The following ANXA2 variants were observed in gnomAD, a reference collection of about 807,000 sequenced individuals.
ANXA2 encodes the protein annexin II.
Under a neutral mutation model 47.3 loss-of-function variants are expected in ANXA2, and 28 were observed. The observed-to-expected ratio is 0.59, with a 90% CI of 0.44 to 0.81. ANXA2 has a LOEUF of 0.81. Among genes scored for constraint, ANXA2 ranks in the 40% least tolerant of loss-of-function variants. ANXA2 has a pLI of 0.00. For synonymous variants in ANXA2, 172 were observed against 155.5 expected (o/e 1.11, Z -0.79); for missense variants, 384 against 414.3 (o/e 0.93, Z 0.64).
At chr15:60,366,444 A>G (rs1377660657) in intron 3 of ANXA2, among the ~76,000 whole-genome samples, 1 of 137,950 alleles carries the variant, frequency 7.2e-6, no homozygotes, top group Non-Finnish European at 1.5e-5. Flanking sequence ...TGTGGGGAGC[A>G]CCTCTGCCCC....
At chr15:60,381,945 CA>C (rs1386120162) in intron 3 of ANXA2, among the ~76,000 whole-genome samples, 17 of 147,924 alleles carry the variant, frequency 1.1e-4, no homozygotes, top group Non-Finnish European at 1.5e-4. Flanking sequence ...TCCTTTTAAC[CA>C]TTACTTGGTT....
At chr15:60,384,118 C>T (rs2062901454) in intron 2 of ANXA2, 1 of 152,232 alleles carries the variant, frequency 6.6e-6, no homozygotes, top group Non-Finnish European at 1.5e-5. Flanking sequence ...ATGGAGCACA[C>T]ATTCAGGAAA....
intron 3 of ANXA2, among the ~76,000 whole-genome samples, chr15:60,375,899 T>C (rs2062769654): frequency 6.6e-6 from 1 of 152,218 alleles, no homozygotes; most frequent in African/African-American, 2.4e-5. Flanking sequence ...TTGTTGATGC[T>C]GTGCACTGGC....
intron 4 of ANXA2, chr15:60,363,165 T>A (rs2062543832): frequency 6.6e-6 from 1 of 152,070 alleles, no homozygotes; most frequent in South Asian, 2.1e-4. Context: ...AGATGAGCCT[T>A]CTGCTCCACT....
chr15:60,392,942 T>TTA (rs1566951991), intron 1 of ANXA2: 1 of 926,676 alleles, frequency 1.1e-6, no homozygotes, highest in Non-Finnish European at 1.4e-6. Context: ...AATTTTAAAC[T>TTA]AAAAAAAAAA....
At chr15:60,380,761 G>A (rs1281407625) in intron 3 of ANXA2, among the ~76,000 whole-genome samples, 2 of 126,112 alleles carry the variant, frequency 1.6e-5, no homozygotes, top group Non-Finnish European at 3.1e-5. Context: ...CTGAGATGAT[G>A]CCCTTGCACT....
At chr15:60,387,955 C>T (rs952319251) in intron 1 of ANXA2, among the ~76,000 whole-genome samples, 8 of 151,942 alleles carry the variant, frequency 5.3e-5, no homozygotes, top group Admixed American at 4.6e-4. Context: ...TGTGGGAGGC[C>T]GAGGCAGGCA....
At chr15:60,349,852 GT>G (rs1895914559) in intron 11 of ANXA2, among the ~76,000 whole-genome samples, 6 of 130,756 alleles carry the variant, frequency 4.6e-5, no homozygotes, top group East Asian at 2.1e-4. Context: ...AGGGAGGGAG[GT>G]GAAGGCAGGG....
chr15:60,392,893 G>A (rs2063032056), intron 1 of ANXA2: 1 of 675,336 alleles, frequency 1.5e-6, no homozygotes, highest in Non-Finnish European at 1.9e-6. Context: ...AGCTCTTACT[G>A]TACACAGTCC....
chr15:60,367,559 A>T (rs1347159543), intron 3 of ANXA2, among the ~76,000 whole-genome samples: 2 of 37,646 alleles, frequency 5.3e-5, no homozygotes, highest in Admixed American at 3.1e-4. Context: ...TCCGGGAGGG[A>T]GGTGGGGGGG....
At chr15:60,370,977 G>T (rs1322106711) in intron 3 of ANXA2, among the ~76,000 whole-genome samples, 3 of 152,198 alleles carry the variant, frequency 2.0e-5, no homozygotes. Context: ...TGGATAGGGT[G>T]ACCCCACAGA....
chr15:60,368,590 A>G (rs1384165374), intron 3 of ANXA2, among the ~76,000 whole-genome samples: 4 of 151,904 alleles, frequency 2.6e-5, no homozygotes, highest in Non-Finnish European at 5.9e-5. Flanking sequence ...GTTGCAAAGC[A>G]GTATGCTCTG....
intron 12 of ANXA2, among the ~76,000 whole-genome samples, chr15:60,348,249 G>A (rs1471527959): frequency 5.3e-5 from 8 of 152,152 alleles, no homozygotes; most frequent in Non-Finnish European, 1.2e-4. Context: ...GGACATCTGA[G>A]GAACTTCTAG....
chr15:60,374,665 G>A (rs923215740), intron 3 of ANXA2: 2 of 456,064 alleles, frequency 4.4e-6, no homozygotes, highest in Admixed American at 2.3e-5. Flanking sequence ...TGATAGCTAC[G>A]TGGCTCAGGT....
At chr15:60,360,714 A>G (rs536960748) in intron 5 of ANXA2, among the ~76,000 whole-genome samples, 12 of 152,368 alleles carry the variant, frequency 7.9e-5, no homozygotes, top group Non-Finnish European at 1.2e-4. Flanking sequence ...GAGTAGTAGC[A>G]GCTGGTAACT....
chr15:60,383,959 T>C (rs1319723921), intron 2 of ANXA2: 1 of 152,218 alleles, frequency 6.6e-6, no homozygotes, highest in African/African-American at 2.4e-5. Flanking sequence ...GTTCAGCATT[T>C]GACAAATGTT....
intron 1 of ANXA2, among the ~76,000 whole-genome samples, chr15:60,397,044 A>G (rs900364545): frequency 1.3e-5 from 2 of 152,204 alleles, no homozygotes; most frequent in Admixed American, 6.5e-5. Flanking sequence ...ACCTTCCCAG[A>G]TGAGGAAACT....
chr15:60,365,849 C>CCCCTCCCCCTCCCCCTCCCTCT (rs2062588534), intron 3 of ANXA2, among the ~76,000 whole-genome samples: 2 of 112,592 alleles, frequency 1.8e-5, no homozygotes, highest in African/African-American at 7.8e-5. Context: ...TCTCCCTCTC[C>CCCCTCCCCCTCCCCCTCCCTCT]CCCTCCCCCT....
chr15:60,364,759 T>C (rs2062569708), intron 3 of ANXA2, among the ~76,000 whole-genome samples: 1 of 152,114 alleles, frequency 6.6e-6, no homozygotes, highest in Non-Finnish European at 1.5e-5. Context: ...ACCTTTTAAA[T>C]ACTTGTGGTT....
Sources: allele counts gnomAD v4.1 joint callset (sites outside exome capture counted in the v4.1 genomes callset), GRCh38; gene constraint gnomAD v4.1.1; transcripts MANE v1.5; gene names NCBI Gene and HGNC (gene_info 2026-07-23, HGNC 2026-07-21).